Variants in HACD1 observed in about 807,000 individuals in gnomAD.
HACD1 encodes 3-hydroxyacyl-CoA dehydratase 1, also known as very-long-chain (3R)-3-hydroxyacyl-CoA dehydratase 1.
A neutral mutation model predicts 32.0 loss-of-function variants in HACD1; 41 were observed. The ratio of observed to expected loss-of-function variants is 1.28; its 90% CI spans 1.00 to 1.66. HACD1 has a LOEUF of 1.66. HACD1 is among the 40% of genes most tolerant of loss of function. HACD1 has a pLI of 0.00. For missense variants in HACD1, 396 were observed against 380.1 expected, an observed-to-expected ratio of 1.04 and a Z score of -0.35; for synonymous variants, 142 against 139.0, an observed-to-expected ratio of 1.02 and a Z score of -0.15.
chr10:17,607,973 C>T lies in HACD1; in HGVS notation c.258-3926G>A, dbSNP rs12247084. On this transcript the variant is annotated intron_variant, in intron 1 of 6. Transcript: ENST00000361271. ...TATCGGTTTAGTAACTATAATAAAA[C>T]AAACAGAAAATATTTCAAAAGCAAC... 8.1e-3 allele frequency among the ~76,000 whole-genome samples: 1,236 copies of T among 152,196 alleles called. 15 individuals are homozygous for T. The highest frequency in any genetic ancestry group is 0.029 in the African/African-American group (1,188 of 41,526).
chr10:17,610,473 A>T (rs541587863), intron 1 of HACD1, among the ~76,000 whole-genome samples: 34 of 152,214 alleles, frequency 2.2e-4, no homozygotes, highest in African/African-American at 7.9e-4. Flanking sequence ...ACATGGCAAG[A>T]CCTTGTTTCT....
In HACD1 at chr10:17,599,092, T is replaced by G. The variant is rs1054940572; in HGVS notation, c.605+198A>C. 2.3e-5 allele frequency: 23 copies of G among 1,000,744 alleles called. No homozygotes were observed. In the South Asian group the frequency reaches 7.1e-4, roughly 31 times the overall value. 62.0% of individuals were successfully genotyped at this position (1,000,744 alleles called of 1,614,324 possible). A position where few individuals can be genotyped will look rare whatever the true frequency, so the allele number is the denominator to read the frequency against. On this transcript the variant is annotated intron_variant, in intron 5 of 6. Transcript: ENST00000361271. ...ACATTGATTTCACTCAAAATATTTA[T>G]TAATACGATTCCTCTCTCATCATTA... is the stretch of plus-strand genomic sequence containing the variant.
chr10:17,608,864 A>G (rs1834186589), intron 1 of HACD1, among the ~76,000 whole-genome samples: 1 of 152,136 alleles, frequency 6.6e-6, no homozygotes, highest in Admixed American at 6.5e-5. Context: ...TTAGCAGCCA[A>G]TATGTGAGTG....
rs536151217 is a variant in HACD1, at chr10:17,602,186, C to T, written c.483+1374G>A. Among the ~76,000 whole-genome samples, 4 of 152,006 alleles carry T rather than the reference C, an allele frequency of 2.6e-5. No homozygotes were observed. In the South Asian group the frequency reaches 6.2e-4, roughly 24 times the overall value. On this transcript the variant is annotated intron_variant, in intron 4 of 6. Transcript: ENST00000361271. ...CCAGGTTCAAGCAATTCTCCTGCCT[C>T]AGCCTCCCGTGTAGCTGGGATGGCA...
At chr10:17,609,291 C>T (rs1342692389) in intron 1 of HACD1, among the ~76,000 whole-genome samples, 2 of 151,608 alleles carry the variant, frequency 1.3e-5, no homozygotes, top group Non-Finnish European at 2.9e-5. Flanking sequence ...GTAGCTGAGA[C>T]TATAGGCGCC....
intron 1 of HACD1, among the ~76,000 whole-genome samples, chr10:17,612,934 C>A (rs1248602543): frequency 3.3e-4 from 47 of 142,372 alleles, no homozygotes; most frequent in African/African-American, 9.9e-4. Flanking sequence ...AAAAAAAAAA[C>A]AAAAACAAAA....
intron 1 of HACD1, among the ~76,000 whole-genome samples, chr10:17,606,126 T>G (rs1436695665): frequency 6.6e-6 from 1 of 152,016 alleles, no homozygotes; most frequent in Non-Finnish European, 1.5e-5. Context: ...GTAAGCTATG[T>G]TTGTGCCACT....
At chr10:17,612,589 A>C (rs1429806094) in intron 1 of HACD1, among the ~76,000 whole-genome samples, 1 of 152,216 alleles carries the variant, frequency 6.6e-6, no homozygotes, top group Non-Finnish European at 1.5e-5. Context: ...TAAGATGACC[A>C]GGTAAGGCCT....
intron 6 of HACD1, among the ~76,000 whole-genome samples, chr10:17,592,226 C>T (rs1261501651): frequency 2.6e-5 from 4 of 151,928 alleles, no homozygotes; most frequent in Admixed American, 2.0e-4. Context: ...AAGCAATCCT[C>T]CCACCTTGGC....
At chr10:17,593,227 A>G in intron 6 of HACD1, among the ~76,000 whole-genome samples, 1 of 152,124 alleles carries the variant, frequency 6.6e-6, no homozygotes, top group East Asian at 1.9e-4. Context: ...TTTTATGCGC[A>G]TCTCCTTTAG....
At chr10:17,592,666 T>C (rs1458414406) in intron 6 of HACD1, among the ~76,000 whole-genome samples, 1 of 152,254 alleles carries the variant, frequency 6.6e-6, no homozygotes, top group East Asian at 1.9e-4. Context: ...AACCCACTGT[T>C]TGAACCTGTA....
chr10:17,592,822 A>G (rs192943270), intron 6 of HACD1, among the ~76,000 whole-genome samples: 2 of 152,224 alleles, frequency 1.3e-5, no homozygotes, highest in Non-Finnish European at 2.9e-5. Context: ...AGAAAATCAG[A>G]TACAGAATCA....
chr10:17,603,218 G>A (rs1188718873), intron 4 of HACD1: 4 of 198,758 alleles, frequency 2.0e-5, no homozygotes, highest in Admixed American at 1.1e-4. Context: ...TGACAACTTC[G>A]ATTACATAAT....
At chr10:17,597,701 C>T (rs782562785) in intron 5 of HACD1, among the ~76,000 whole-genome samples, 11 of 151,578 alleles carry the variant, frequency 7.3e-5, no homozygotes, top group Non-Finnish European at 1.3e-4. Flanking sequence ...CATTGTCATG[C>T]GAAATGATAT....
chr10:17,603,880 G>C, intron 2 of HACD1, 50 bp downstream of exon 2: 3 of 1,510,272 alleles, frequency 2.0e-6, no homozygotes, highest in Non-Finnish European at 2.7e-6. Flanking sequence ...AACAAAAAAT[G>C]TTCACATAAA....
chr10:17,599,363 TCA>T lies in HACD1; in HGVS notation c.530_531del (p.Val177AspfsTer15), dbSNP rs1405003446. 2 of 1,613,854 alleles carry T rather than the reference TCA, an allele frequency of 1.2e-6. No individual in the cohort carries two copies. Among genetic ancestry groups the T allele is most frequent in the Non-Finnish European group, 1.7e-6 (2 of 1,180,010 alleles). On this transcript the variant is annotated frameshift_variant, in exon 5 of 7. Coordinates refer to ENST00000361271, the MANE Select transcript of HACD1 (RefSeq NM_014241.4). LOFTEE classifies it high-confidence loss of function. ...TAGAAGGAATAGCGAGTGATCTCTG[TCA>T]CAGTCCACGCGACCAGAAAAAGCAC... ...SVVLFLVAWT[V>X]TEITRYSFYT...
intron 1 of HACD1, among the ~76,000 whole-genome samples, chr10:17,608,253 C>G (rs1053915186): frequency 6.6e-6 from 1 of 152,014 alleles, no homozygotes; most frequent in Admixed American, 6.6e-5. Context: ...ATCTTGAACT[C>G]CTGGGCTCAA....
In HACD1 at chr10:17,599,436, T is replaced by C. The variant is rs199718817; in HGVS notation, c.484-25A>G. The C allele has an allele frequency of 5.7e-5, 91 of 1,607,698 alleles. No individual in the cohort carries two copies. In the Admixed American group the frequency reaches 1.5e-3, roughly 26 times the overall value. ...TCTGCAGAATTACAGAGAAACCCAG[T>C]GTCATTCAACCTAGAACTTACTTTT... On this transcript the variant is annotated intron_variant, in intron 4 of 6. Coordinates refer to ENST00000361271, the MANE Select transcript of HACD1 (RefSeq NM_014241.4).
rs1306807446 is a variant in HACD1 at position 17,603,341 on chromosome 10, A to C, written c.483+219T>G. ...AAAAACTGGAAAATATCAAAGGAGA[A>C]TATATTACGGATCTAAGATGCCAAT... On this transcript the variant is annotated intron_variant, in intron 4 of 6. Coordinates refer to ENST00000361271, the MANE Select transcript of HACD1 (RefSeq NM_014241.4). The C allele has an allele frequency of 1.3e-5, 6 of 467,902 alleles. No individual in the cohort carries two copies. In the East Asian group the frequency reaches 1.7e-4, roughly 14 times the overall value. The allele number at this position is 467,902 out of a possible 1,614,324, so 29.0% of individuals were successfully genotyped here.
Sources: allele counts gnomAD v4.1 joint callset (sites outside exome capture counted in the v4.1 genomes callset), GRCh38; gene constraint gnomAD v4.1.1; transcripts MANE v1.5; gene names NCBI Gene and HGNC (gene_info 2026-07-23, HGNC 2026-07-21).